Variants in CREB3L2 observed in about 807,000 individuals in gnomAD.
CREB3L2 encodes cyclic AMP-responsive element-binding protein 3-like protein 2.
A neutral mutation model predicts 57.2 loss-of-function variants in CREB3L2; 23 were observed. That is an observed-to-expected ratio of 0.40 (90% CI 0.29 to 0.57). CREB3L2 has a LOEUF of 0.57. CREB3L2 is among the 20% of genes least tolerant of loss of function. CREB3L2 has a pLI of 0.42. For synonymous variants in CREB3L2, 268 were observed against 265.1 expected (o/e 1.01, Z -0.11); for missense variants, 628 against 634.7 (o/e 0.99, Z 0.11).
chr7:137,905,122 T>G lies in CREB3L2; in HGVS notation c.915+580A>C, dbSNP rs193239438. Reference sequence around the variant, plus strand: ...TAGGCCTGTGCCTCAGCCATCCCCCTGGTTTTCATCAGGCCTGCTCAGCAC... The same window carrying G: ...TAGGCCTGTGCCTCAGCCATCCCCCGGGTTTTCATCAGGCCTGCTCAGCAC... On this transcript the variant is annotated intron_variant, in intron 6 of 11. Coordinates refer to ENST00000330387, the MANE Select transcript of CREB3L2 (RefSeq NM_194071.4). 2.0e-5 allele frequency among the ~76,000 whole-genome samples: 3 copies of G among 151,776 alleles called. No individual in the cohort carries two copies. The East Asian group carries it at 5.8e-4, about 30-fold the overall frequency.
intron 1 of CREB3L2, among the ~76,000 whole-genome samples, chr7:137,979,495 G>A (rs1801674098): frequency 6.6e-6 from 1 of 152,152 alleles, no homozygotes; most frequent in Non-Finnish European, 1.5e-5. Flanking sequence ...GGAGGCTGAG[G>A]CGGGCGGATC....
intron 2 of CREB3L2, among the ~76,000 whole-genome samples, chr7:137,926,202 A>G (rs1800452201): frequency 1.3e-5 from 2 of 152,198 alleles, no homozygotes; most frequent in African/African-American, 2.4e-5. Flanking sequence ...AACCAGAAAT[A>G]CCATTTGACC....
At chr7:137,919,990 C>G (rs1173876453) in intron 2 of CREB3L2, among the ~76,000 whole-genome samples, 2 of 152,202 alleles carry the variant, frequency 1.3e-5, no homozygotes, top group Admixed American at 1.3e-4. Context: ...AGGGACATGG[C>G]CTGCTCCACT....
At chr7:137,998,229 G>T (rs1473061955) in intron 1 of CREB3L2, among the ~76,000 whole-genome samples, 1 of 152,172 alleles carries the variant, frequency 6.6e-6, no homozygotes, top group Non-Finnish European at 1.5e-5. Context: ...TTAACAGAAG[G>T]CTCCTGAGAA....
chr7:137,893,180 A>AT (rs1799557588), intron 8 of CREB3L2, among the ~76,000 whole-genome samples: 1 of 152,228 alleles, frequency 6.6e-6, no homozygotes, highest in Admixed American at 6.5e-5. Flanking sequence ...CTGAAATGCT[A>AT]TATTACCTAC....
chr7:137,915,625 A>T (rs995768156), intron 3 of CREB3L2, among the ~76,000 whole-genome samples: 12 of 152,112 alleles, frequency 7.9e-5, no homozygotes, highest in African/African-American at 2.4e-4. Context: ...TTAGCTACTA[A>T]TTTTTTCCGA....
chr7:137,899,788 C>T (rs181046851), intron 8 of CREB3L2, among the ~76,000 whole-genome samples: 71 of 152,302 alleles, frequency 4.7e-4, no homozygotes, highest in Admixed American at 1.4e-3. Flanking sequence ...TCAGGGGGAT[C>T]CCACTGGCGG....
At chr7:137,894,966 G>A (rs1799596975) in intron 8 of CREB3L2, among the ~76,000 whole-genome samples, 1 of 152,220 alleles carries the variant, frequency 6.6e-6, no homozygotes, top group Non-Finnish European at 1.5e-5. Flanking sequence ...TTCTCCTTCT[G>A]TAAAATAAGG....
At chr7:137,897,722 C>T (rs1412216246) in intron 8 of CREB3L2, among the ~76,000 whole-genome samples, 1 of 152,042 alleles carries the variant, frequency 6.6e-6, no homozygotes, top group Non-Finnish European at 1.5e-5. Context: ...AGAATATGTC[C>T]AGTGTTTTGT....
At chr7:137,931,774 G>C (rs1339712017) in intron 1 of CREB3L2, among the ~76,000 whole-genome samples, 1 of 151,992 alleles carries the variant, frequency 6.6e-6, no homozygotes, top group Non-Finnish European at 1.5e-5. Flanking sequence ...AGAGGTTGCA[G>C]TGAGCCGAGA....
rs185272685 is a variant in CREB3L2, at chr7:137,882,019, C to T, written c.1487+393G>A. 4.4e-3 allele frequency among the ~76,000 whole-genome samples: 669 copies of T among 152,292 alleles called. 3 individuals carry two copies. The highest frequency in any genetic ancestry group is 0.014 in the African/African-American group (594 of 41,556). ...ACATATAGCACAATATATATCTACT[C>T]CCTAGTTGAAGCCATGAAACATGTC... is the stretch of plus-strand genomic sequence containing the variant. On this transcript the variant is annotated intron_variant, in intron 11 of 11. Transcript: ENST00000330387.
At chr7:137,971,595 C>A (rs1236330234) in intron 1 of CREB3L2, among the ~76,000 whole-genome samples, 6 of 152,042 alleles carry the variant, frequency 3.9e-5, no homozygotes, top group Admixed American at 1.3e-4. Context: ...CTCTCTGCAA[C>A]CCGAATCCCC....
chr7:137,919,038 TC>T (rs1448470359), intron 2 of CREB3L2, among the ~76,000 whole-genome samples: 1 of 152,160 alleles, frequency 6.6e-6, no homozygotes, highest in Non-Finnish European at 1.5e-5. Flanking sequence ...AAGCGGCCTC[TC>T]CTCCCCTGAG....
At chr7:137,993,957 T>C (rs184573815) in intron 1 of CREB3L2, among the ~76,000 whole-genome samples, 1 of 152,316 alleles carries the variant, frequency 6.6e-6, no homozygotes, top group East Asian at 1.9e-4. Flanking sequence ...CCTATACAAT[T>C]TGATTCAAGG....
At chr7:137,899,420 T>A (rs141484195) in intron 8 of CREB3L2, among the ~76,000 whole-genome samples, 41 of 152,174 alleles carry the variant, frequency 2.7e-4, no homozygotes, top group African/African-American at 9.9e-4. Context: ...CACCCACCCA[T>A]GAACATGGGG....
intron 1 of CREB3L2, among the ~76,000 whole-genome samples, chr7:137,994,748 C>T (rs1801958327): frequency 6.6e-6 from 1 of 152,122 alleles, no homozygotes; most frequent in South Asian, 2.1e-4. Flanking sequence ...GGTTCAAGAC[C>T]AGCCTAGGCA....
rs1280510343 is a variant in CREB3L2 at position 137,928,377 on chromosome 7, C to T, written c.103-11G>A. 6 of 1,609,712 alleles carry T rather than the reference C, an allele frequency of 3.7e-6. No homozygotes were observed. Among genetic ancestry groups the T allele is most frequent in the Non-Finnish European group, 5.1e-6 (6 of 1,176,544 alleles). ...AAGTTCTGAGAAGTGCTACAAGAAA[C>T]AAAGGAGGAAGAACTCAGTTTCTCT... On this transcript the variant is annotated splice_polypyrimidine_tract_variant and intron_variant, in intron 1 of 11. Transcript: ENST00000330387.
intron 1 of CREB3L2, among the ~76,000 whole-genome samples, chr7:137,994,067 G>A (rs1016627110): frequency 1.3e-5 from 2 of 152,178 alleles, no homozygotes; most frequent in Non-Finnish European, 2.9e-5. Flanking sequence ...AGAGACAGTG[G>A]GTCTCATTAT....
chr7:137,922,411 T>TATATATAC (rs1800324993), intron 2 of CREB3L2, among the ~76,000 whole-genome samples: 6 of 24,448 alleles, frequency 2.5e-4, no homozygotes, highest in African/African-American at 1.1e-3. Flanking sequence ...TATATATATA[T>TATATATAC]ATATGTATAT....
Sources: allele counts gnomAD v4.1 joint callset (sites outside exome capture counted in the v4.1 genomes callset), GRCh38; gene constraint gnomAD v4.1.1; transcripts MANE v1.5; gene names NCBI Gene and HGNC (gene_info 2026-07-23, HGNC 2026-07-21).